CCDC60: variants seen among roughly 807,000 people sequenced by gnomAD.
CCDC60 encodes coiled-coil domain containing 60, also known as coiled-coil domain-containing protein 60.
Under a neutral mutation model 63.5 loss-of-function variants are expected in CCDC60, and 54 were observed. That is an observed-to-expected ratio of 0.85 (90% confidence interval 0.68 to 1.07). The LOEUF (loss-of-function observed/expected upper bound fraction) is 1.07. Among genes scored for constraint, CCDC60 ranks in the 50% least tolerant of loss-of-function variants. The pLI, the probability that CCDC60 is intolerant of heterozygous loss-of-function variation, is 0.00. For missense variants in CCDC60, 651 were observed against 684.3 expected, an observed-to-expected ratio of 0.95 and a Z score of 0.54; for synonymous variants, 206 against 238.8, an observed-to-expected ratio of 0.86 and a Z score of 1.27.
intron 4 of CCDC60, among the ~76,000 whole-genome samples, chr12:119,482,772 C>T (rs1187929945): frequency 2.0e-5 from 3 of 151,988 alleles, no homozygotes; most frequent in Non-Finnish European, 4.4e-5. Flanking sequence ...GTTGGCTCGG[C>T]TGATCTTGGC....
intron 1 of CCDC60, among the ~76,000 whole-genome samples, chr12:119,415,472 G>T: frequency 6.6e-6 from 1 of 152,172 alleles, no homozygotes; most frequent in Non-Finnish European, 1.5e-5. Flanking sequence ...TCCCATCAAG[G>T]ATTTTGGACT....
chr12:119,442,997 G>A (rs1472278071), intron 2 of CCDC60, among the ~76,000 whole-genome samples: 3 of 152,194 alleles, frequency 2.0e-5, no homozygotes, highest in East Asian at 3.8e-4. Context: ...TTTATGGAAA[G>A]CAAAATGAAA....
At chr12:119,352,926 T>G (rs189827012) in intron 1 of CCDC60, among the ~76,000 whole-genome samples, 22 of 151,742 alleles carry the variant, frequency 1.4e-4, no homozygotes, top group African/African-American at 5.3e-4. Flanking sequence ...GGTAACAGAG[T>G]GAGACTCTGT....
intron 2 of CCDC60, among the ~76,000 whole-genome samples, chr12:119,457,319 T>C (rs979165377): frequency 2.5e-4 from 38 of 152,180 alleles, no homozygotes. Context: ...CCATCCAATT[T>C]ATGATCAAAA....
At chr12:119,457,040 A>G (rs1441367092) in intron 2 of CCDC60, among the ~76,000 whole-genome samples, 1 of 152,154 alleles carries the variant, frequency 6.6e-6, no homozygotes, top group African/African-American at 2.4e-5. Flanking sequence ...CTCTGACACA[A>G]GCAATCTTTC....
intron 12 of CCDC60, 54 bp from the exon 13 acceptor site, chr12:119,530,820 G>A: frequency 6.7e-7 from 1 of 1,484,518 alleles, no homozygotes; most frequent in South Asian, 1.2e-5. Context: ...ATGGCCAGAG[G>A]TGCTCAGATC....
At chr12:119,415,048 G>T (rs35331927) in intron 1 of CCDC60, among the ~76,000 whole-genome samples, 11,409 of 152,320 alleles carry the variant, frequency 0.075, 554 homozygotes, top group Middle Eastern at 0.12. Context: ...GCACAGTGCT[G>T]ATGTGTAGCA....
chr12:119,530,924 C>T lies in CCDC60; in HGVS notation c.1412C>T (p.Pro471Leu), dbSNP rs1195059657. The T allele has an allele frequency of 6.2e-7, 1 of 1,614,114 alleles. No homozygotes were observed. Among genetic ancestry groups the T allele is most frequent in the Admixed American group, 1.7e-5 (1 of 60,022 alleles). Residue 471 changes from proline (P) to leucine (L), a missense_variant, in exon 13 of 14, where the codon CCC becomes CTC. Coordinates refer to ENST00000327554, the MANE Select transcript of CCDC60 (RefSeq NM_178499.5). ...KLPEDLKNFR[P>L]AKKILVKLQK... ...CCAGAGGATCTAAAGAACTTCCGCC[C>T]CGCCAAAAAGATCCTGGTGAAACTG... is the stretch of plus-strand genomic sequence containing the variant.
Position 119,334,998 on chromosome 12 carries a change from G to C in CCDC60, c.-179G>C, listed in dbSNP as rs1955455889. ...CCGGACTTCCTTATCCCGTCTGTGG[G>C]AGACCCAGGTGCTTTCTCATTACTC... On this transcript the variant is annotated 5_prime_UTR_variant, in exon 1 of 14. Coordinates refer to ENST00000327554, the MANE Select transcript of CCDC60 (RefSeq NM_178499.5). 3 of 531,330 alleles carry C rather than the reference G, an allele frequency of 5.6e-6. No individual in the cohort carries two copies. Among genetic ancestry groups the C allele is most frequent in the Non-Finnish European group, 1.0e-5 (3 of 299,868 alleles). The allele number at this position is 531,330 out of a possible 1,614,324, so 32.9% of individuals were successfully genotyped here. A position where few individuals can be genotyped will look rare whatever the true frequency, so the allele number is the denominator to read the frequency against.
At chr12:119,526,976 G>A (rs577013600) in intron 11 of CCDC60, among the ~76,000 whole-genome samples, 15 of 152,262 alleles carry the variant, frequency 9.9e-5, no homozygotes, top group Admixed American at 5.9e-4. Context: ...AATGTCCACT[G>A]CAGCACTATT....
intron 2 of CCDC60, among the ~76,000 whole-genome samples, chr12:119,454,764 C>T (rs1247038310): frequency 1.3e-5 from 2 of 152,152 alleles, no homozygotes; most frequent in Non-Finnish European, 2.9e-5. Flanking sequence ...ATGGCTTAAA[C>T]AAAATAAAGA....
chr12:119,510,106 G>A (rs529362626), intron 7 of CCDC60, among the ~76,000 whole-genome samples: 99 of 152,228 alleles, frequency 6.5e-4, no homozygotes, highest in African/African-American at 2.3e-3. Flanking sequence ...CCTGCTTCTT[G>A]TCCTGCCTTT....
At chr12:119,339,007 G>GT (rs964578904) in intron 1 of CCDC60, among the ~76,000 whole-genome samples, 32 of 151,794 alleles carry the variant, frequency 2.1e-4, no homozygotes, top group Non-Finnish European at 1.5e-4. Context: ...TTTTGTTTTT[G>GT]TTTTTTTTAA....
chr12:119,515,442 T>C (rs1483294218), intron 7 of CCDC60, among the ~76,000 whole-genome samples: 1 of 152,042 alleles, frequency 6.6e-6, no homozygotes, highest in Middle Eastern at 3.2e-3. Flanking sequence ...CACCTCAGCC[T>C]CCTGAGTAGC....
chr12:119,492,309 G>A lies in CCDC60; in HGVS notation c.557+3443G>A, dbSNP rs572770908. On this transcript the variant is annotated intron_variant, in intron 5 of 13. Transcript: ENST00000327554. Reference sequence around the variant, plus strand: ...TTTCCACGGTGTAAATACTCCCACCGTGGCTGATTTCAATCTTACCAACAT... The same window carrying A: ...TTTCCACGGTGTAAATACTCCCACCATGGCTGATTTCAATCTTACCAACAT... Among the ~76,000 whole-genome samples, 12 of 152,178 alleles carry A rather than the reference G, an allele frequency of 7.9e-5. No individual in the cohort carries two copies. The South Asian group carries it at 1.5e-3, about 18-fold the overall frequency.
At chr12:119,369,377 G>C (rs1276561726) in intron 1 of CCDC60, among the ~76,000 whole-genome samples, 1 of 152,206 alleles carries the variant, frequency 6.6e-6, no homozygotes, top group Non-Finnish European at 1.5e-5. Context: ...ATTCCTGGGG[G>C]ATGGGGGAAG....
At chr12:119,408,824 C>CA (rs36061123) in intron 1 of CCDC60, among the ~76,000 whole-genome samples, 11,152 of 135,034 alleles carry the variant, frequency 0.083, 510 homozygotes, top group Middle Eastern at 0.16. Context: ...GACTCCGTCT[C>CA]AAAAAAAAAA....
intron 2 of CCDC60, among the ~76,000 whole-genome samples, chr12:119,461,021 TAG>T (rs1289562655): frequency 6.6e-6 from 1 of 151,952 alleles, no homozygotes; most frequent in Non-Finnish European, 1.5e-5. Context: ...AGCATGCAAA[TAG>T]AGAGAGAGAA....
At chr12:119,381,983 A>G (rs1956012202) in intron 1 of CCDC60, among the ~76,000 whole-genome samples, 1 of 152,240 alleles carries the variant, frequency 6.6e-6, no homozygotes, top group Non-Finnish European at 1.5e-5. Flanking sequence ...CTTTGCAGGC[A>G]TCTGACACCT....
Sources: gnomAD v4.1 joint callset for allele counts (sites outside exome capture counted in the v4.1 genomes callset) on GRCh38, gnomAD v4.1.1 for gene constraint, MANE v1.5 for transcripts, NCBI Gene and HGNC (gene_info 2026-07-23, HGNC 2026-07-21) for gene names.